The following FMO4 variants were observed in gnomAD, a reference collection of about 807,000 sequenced individuals.
The protein encoded by FMO4 is dimethylaniline monooxygenase [N-oxide-forming] 4.
A neutral mutation model predicts 43.3 loss-of-function variants in FMO4; 38 were observed. The observed-to-expected ratio is 0.88, with a 90% confidence interval of 0.68 to 1.15. FMO4 has a LOEUF of 1.15. Among genes scored for constraint, FMO4 ranks in the 50% most tolerant of loss-of-function variants. The pLI is 0.00. For missense variants in FMO4, 631 were observed against 663.3 expected (o/e 0.95, Z 0.54); for synonymous variants, 224 against 232.2 (o/e 0.96, Z 0.32).
chr1:171,316,598 A>G (rs1335326838), intron 2 of FMO4, among the ~76,000 whole-genome samples: 1 of 152,226 alleles, frequency 6.6e-6, no homozygotes, highest in African/African-American at 2.4e-5. Flanking sequence ...GCTAGTTGGT[A>G]GCAGAGAAAG....
intron 9 of FMO4, among the ~76,000 whole-genome samples, chr1:171,338,645 A>G (rs961430399): frequency 6.6e-6 from 1 of 152,194 alleles, no homozygotes; most frequent in Non-Finnish European, 1.5e-5. Flanking sequence ...ATGTCACTTA[A>G]TAAGAGAGAA....
intron 7 of FMO4, among the ~76,000 whole-genome samples, chr1:171,334,145 C>T (rs2101901131): frequency 6.6e-6 from 1 of 152,240 alleles, no homozygotes; most frequent in African/African-American, 2.4e-5. Context: ...AGCATTGCTC[C>T]AGAAATTAGT....
At chr1:171,319,154 G>A (rs570348921) in intron 2 of FMO4, among the ~76,000 whole-genome samples, 33 of 152,296 alleles carry the variant, frequency 2.2e-4, no homozygotes, top group African/African-American at 5.8e-4. Flanking sequence ...TGGTGAATGC[G>A]GGTATTTTAT....
Position 171,341,783 on chromosome 1 carries a change from A to G in FMO4, c.1621A>G (p.Arg541Gly). The change falls in exon 10 of 10, where the codon AGA (arginine) becomes GGA (glycine). Residue 541 changes from arginine to glycine, a missense_variant. Arg to Gly is a moderately radical substitution (Grantham distance 125). Transcript: ENST00000367749. ...CKSSLFLKLV[R>G]DKLQDRMSPY... ...ATCTTCACTTTTCTTGAAATTGGTG[A>G]GAGATAAACTACAGGACAGAATGTC... 1.2e-6 allele frequency: 2 copies of G among 1,613,846 alleles called. No homozygotes were observed. The highest frequency in any genetic ancestry group is 2.2e-5 in the South Asian group (2 of 91,060).
chr1:171,328,789 CT>C (rs1453334171), intron 5 of FMO4, among the ~76,000 whole-genome samples: 3 of 152,124 alleles, frequency 2.0e-5, no homozygotes, highest in African/African-American at 7.2e-5. Context: ...TATTAGCCAA[CT>C]TTTTCCTTTA....
rs938589120 is a variant in FMO4, at chr1:171,341,805, T to G, written c.1643T>G (p.Met548Arg). The G allele has an allele frequency of 6.2e-7, 1 of 1,613,692 alleles. No homozygotes were observed. The highest frequency in any genetic ancestry group is 8.5e-7 in the Non-Finnish European group (1 of 1,179,806). ...KLVRDKLQDR[M>R]SPYLVSLWRG ...GTGAGAGATAAACTACAGGACAGAA[T>G]GTCCCCTTACCTAGTAAGTCTTTGG... The change falls in exon 10 of 10, where the codon ATG becomes AGG. Residue 548 changes from methionine to arginine, a missense_variant. Met to Arg is a moderately conservative substitution (Grantham distance 91). Coordinates refer to ENST00000367749, the MANE Select transcript of FMO4 (RefSeq NM_002022.3).
At chr1:171,338,766 T>C (rs1355842311) in intron 9 of FMO4, among the ~76,000 whole-genome samples, 1 of 152,180 alleles carries the variant, frequency 6.6e-6, no homozygotes, top group Non-Finnish European at 1.5e-5. Context: ...ACCTGATATA[T>C]TACATATCTA....
rs780070445 is a variant in FMO4, at chr1:171,341,398, C to CT, written c.1251-9dup. 5.0e-6 allele frequency: 8 copies of CT among 1,602,366 alleles called. No homozygotes were observed. The East Asian group carries it at 1.1e-4, about 22-fold the overall frequency. On this transcript the variant is annotated splice_polypyrimidine_tract_variant and intron_variant, in intron 9 of 9. Coordinates refer to ENST00000367749, the MANE Select transcript of FMO4 (RefSeq NM_002022.3). ...GTGTGATTAATGAAAGGTCCTCCCT[C>CT]TTTTTTCCTCTCAGGGGAGTGTTTA...
At chr1:171,334,035 C>T (rs1663008642) in intron 7 of FMO4, among the ~76,000 whole-genome samples, 1 of 152,112 alleles carries the variant, frequency 6.6e-6, no homozygotes, top group Non-Finnish European at 1.5e-5. Flanking sequence ...TGCTAATTTC[C>T]TGTCTGCCTG....
intron 8 of FMO4, among the ~76,000 whole-genome samples, chr1:171,335,730 A>T (rs1463296268): frequency 6.6e-6 from 1 of 152,194 alleles, no homozygotes; most frequent in East Asian, 1.9e-4. Flanking sequence ...ACAAAAAAAA[A>T]TGTTATTTGA....
chr1:171,315,427 C>G (rs113004171), intron 1 of FMO4, among the ~76,000 whole-genome samples: 6,909 of 152,048 alleles, frequency 0.045, 487 homozygotes, highest in African/African-American at 0.15. Flanking sequence ...CCTTTGAATT[C>G]ATATCTTTTT....
intron 7 of FMO4, 146 bp downstream of exon 7, chr1:171,333,054 G>C (rs1662967806): frequency 1.7e-6 from 1 of 571,432 alleles, no homozygotes; most frequent in South Asian, 2.5e-5. Flanking sequence ...TGTTCATCAG[G>C]TACCACAGCA....
intron 5 of FMO4, among the ~76,000 whole-genome samples, chr1:171,328,769 A>G (rs1662778791): frequency 6.6e-6 from 1 of 152,118 alleles, no homozygotes; most frequent in Non-Finnish European, 1.5e-5. Flanking sequence ...CAGGCTATAT[A>G]AGATACGACT....
chr1:171,331,357 G>A (rs1662891752), intron 5 of FMO4, among the ~76,000 whole-genome samples: 1 of 152,142 alleles, frequency 6.6e-6, no homozygotes, highest in Admixed American at 6.5e-5. Context: ...CTCATTATTT[G>A]TGAGTTTGAT....
chr1:171,335,864 C>T (rs766162821), intron 8 of FMO4, among the ~76,000 whole-genome samples: 21 of 152,154 alleles, frequency 1.4e-4, no homozygotes, highest in Admixed American at 3.9e-4. Context: ...AAAGAGCTTT[C>T]ACAGCATTAT....
At chr1:171,327,116 G>A (rs1662699629) in intron 5 of FMO4, among the ~76,000 whole-genome samples, 1 of 152,086 alleles carries the variant, frequency 6.6e-6, no homozygotes, top group South Asian at 2.1e-4. Context: ...TTCCCTCCAG[G>A]AAAACCTCAT....
At chr1:171,340,920 G>A (rs1663347915) in intron 9 of FMO4, among the ~76,000 whole-genome samples, 1 of 151,878 alleles carries the variant, frequency 6.6e-6, no homozygotes, top group Admixed American at 6.6e-5. Flanking sequence ...AGATTTTAGG[G>A]CTTTTATTTT....
At chr1:171,339,026 C>G (rs1306610765) in intron 9 of FMO4, among the ~76,000 whole-genome samples, 1 of 152,146 alleles carries the variant, frequency 6.6e-6, no homozygotes, top group Non-Finnish European at 1.5e-5. Context: ...TGGAAGTTTA[C>G]TGACAGGAAT....
intron 5 of FMO4, among the ~76,000 whole-genome samples, chr1:171,330,356 A>G (rs533616078): frequency 6.6e-6 from 1 of 152,326 alleles, no homozygotes; most frequent in South Asian, 2.1e-4. Flanking sequence ...CTGCTGCTGT[A>G]AACACCCTGT....
Sources: allele counts gnomAD v4.1 joint callset (sites outside exome capture counted in the v4.1 genomes callset), GRCh38; gene constraint gnomAD v4.1.1; transcripts MANE v1.5; gene names NCBI Gene and HGNC (gene_info 2026-07-23, HGNC 2026-07-21).